Variants in EFR3A observed in about 807,000 individuals in gnomAD.
EFR3A encodes the protein protein EFR3 homolog A.
In EFR3A, 76 loss-of-function variants were observed where a neutral mutation model predicts 104.4. The observed-to-expected ratio is 0.73, with a 90% CI of 0.60 to 0.88. EFR3A has a LOEUF of 0.88. Ranked by LOEUF, EFR3A falls within the 40% of genes least tolerant of loss-of-function variation. The probability of loss-of-function intolerance (pLI) is 0.00; values close to 1 mark genes in which losing one functional copy is unlikely to be tolerated. For synonymous variants in EFR3A, 330 were observed against 330.0 expected, an observed-to-expected ratio of 1.00 and a Z score of 0.00; for missense variants, 985 against 1,012.5, an observed-to-expected ratio of 0.97 and a Z score of 0.37.
chr8:131,904,278 G>A lies in EFR3A; in HGVS notation c.-35G>A, dbSNP rs2130347991. On this transcript the variant is annotated 5_prime_UTR_variant, in exon 1 of 23. Coordinates refer to ENST00000254624, the MANE Select transcript of EFR3A (RefSeq NM_015137.6). ...GGCGCTCCCTGCGCGGCCCCGCTGA[G>A]CCTCGGTGCGGCGGCGAGCGCGGTC... is the stretch of plus-strand genomic sequence containing the variant. The A allele has an allele frequency of 7.8e-7, 1 of 1,280,164 alleles. No individual in the cohort carries two copies. 79.3% of individuals were successfully genotyped at this position (1,280,164 alleles called of 1,614,324 possible).
intron 7 of EFR3A, 109 bp downstream of exon 7, chr8:131,956,014 T>C (rs1818970948): frequency 1.6e-6 from 2 of 1,261,536 alleles, no homozygotes; most frequent in South Asian, 2.8e-5. Flanking sequence ...GAGTTATTAA[T>C]GGAACCAGTG....
chr8:131,962,947 A>T (rs1819467058), intron 8 of EFR3A, among the ~76,000 whole-genome samples: 1 of 152,248 alleles, frequency 6.6e-6, no homozygotes, highest in Admixed American at 6.5e-5. Context: ...ATGGAAACTG[A>T]GCAACCTGCT....
At chr8:131,965,996 G>T (rs1819700616) in intron 8 of EFR3A, among the ~76,000 whole-genome samples, 1 of 152,090 alleles carries the variant, frequency 6.6e-6, no homozygotes, top group Non-Finnish European at 1.5e-5. Flanking sequence ...TCACTCATAG[G>T]TGGGAATTGA....
rs376406666 is a variant in EFR3A at position 132,010,271 on chromosome 8, G to A, written c.2361-519G>A. On this transcript the variant is annotated intron_variant, in intron 22 of 22. Coordinates refer to ENST00000254624, the MANE Select transcript of EFR3A (RefSeq NM_015137.6). ...ACACTTTGATGCAGAAATTCTACTT[G>A]TAAGACTATAAACCAAGGTGACAAT... Among the ~76,000 whole-genome samples the A allele has an allele frequency of 4.3e-4, 65 of 151,454 alleles. No individual in the cohort carries two copies. The South Asian group carries it at 0.014, about 32-fold the overall frequency.
chr8:131,964,049 T>G (rs1199987751), intron 8 of EFR3A, among the ~76,000 whole-genome samples: 14 of 152,112 alleles, frequency 9.2e-5, no homozygotes, highest in Non-Finnish European at 1.9e-4. Context: ...TCTCAATAAA[T>G]TAGGTATTGA....
chr8:131,970,009 T>G (rs1224544130), intron 9 of EFR3A, among the ~76,000 whole-genome samples: 2 of 152,196 alleles, frequency 1.3e-5, no homozygotes, highest in African/African-American at 4.8e-5. Flanking sequence ...TCTAATAAAT[T>G]TGGTAGTTTC....
At chr8:131,945,168 GTC>G (rs1818374700) in intron 3 of EFR3A, among the ~76,000 whole-genome samples, 2 of 151,828 alleles carry the variant, frequency 1.3e-5, no homozygotes, top group Non-Finnish European at 2.9e-5. Context: ...GACTCACTTA[GTC>G]TATCAGTGCA....
At position 131,951,388 on chromosome 8, in the gene EFR3A, A is replaced by G. The variant is rs1344482058; in HGVS notation, c.488+1298A>G. ...ATTACCTTACAATAATTAGTTTTCT[A>G]TTTGTCTCCATCACCAGGAAAATTA... On this transcript the variant is annotated intron_variant, in intron 5 of 22. Coordinates refer to ENST00000254624, the MANE Select transcript of EFR3A (RefSeq NM_015137.6). 3.9e-5 allele frequency among the ~76,000 whole-genome samples: 6 copies of G among 151,994 alleles called. No individual in the cohort carries two copies. In the East Asian group the frequency reaches 9.7e-4, roughly 24 times the overall value.
At chr8:131,964,077 T>C (rs1819556981) in intron 8 of EFR3A, among the ~76,000 whole-genome samples, 2 of 152,300 alleles carry the variant, frequency 1.3e-5, no homozygotes, top group South Asian at 4.1e-4. Context: ...TATCTCAAGA[T>C]AATAAGAGCT....
At chr8:131,939,350 A>G (rs937497914) in intron 1 of EFR3A, among the ~76,000 whole-genome samples, 1 of 152,102 alleles carries the variant, frequency 6.6e-6, no homozygotes, top group Non-Finnish European at 1.5e-5. Flanking sequence ...ATGGCTGTCC[A>G]CTAGACACTT....
At chr8:131,986,672 C>G (rs985353213) in intron 17 of EFR3A, among the ~76,000 whole-genome samples, 1 of 151,592 alleles carries the variant, frequency 6.6e-6, no homozygotes, top group Non-Finnish European at 1.5e-5. Flanking sequence ...GTAGTCCCAG[C>G]TACTCAGGAG....
chr8:131,908,643 A>G (rs1816369055), intron 1 of EFR3A, among the ~76,000 whole-genome samples: 1 of 152,120 alleles, frequency 6.6e-6, no homozygotes, highest in Admixed American at 6.5e-5. Flanking sequence ...TAATGACAGT[A>G]AGTAATAGAG....
At chr8:131,973,300 G>C (rs1476301437) in intron 10 of EFR3A, among the ~76,000 whole-genome samples, 1 of 151,720 alleles carries the variant, frequency 6.6e-6, no homozygotes, top group East Asian at 1.9e-4. Context: ...ATTTATTTCG[G>C]TTATTTATAG....
At chr8:131,909,868 T>C (rs1403233799) in intron 1 of EFR3A, among the ~76,000 whole-genome samples, 1 of 152,222 alleles carries the variant, frequency 6.6e-6, no homozygotes, top group African/African-American at 2.4e-5. Flanking sequence ...TTGTCCCTGG[T>C]TGAGAACCAC....
chr8:132,010,503 T>A (rs1822290385), intron 22 of EFR3A, among the ~76,000 whole-genome samples: 1 of 148,244 alleles, frequency 6.7e-6, no homozygotes, highest in African/African-American at 2.5e-5. Flanking sequence ...CATGAAATAA[T>A]TTTTTACTAA....
chr8:131,999,864 A>G (rs1821702907), intron 19 of EFR3A, among the ~76,000 whole-genome samples: 1 of 152,168 alleles, frequency 6.6e-6, no homozygotes, highest in Non-Finnish European at 1.5e-5. Context: ...TTTCATAAAA[A>G]GAATCTCTCA....
At chr8:131,963,166 G>A (rs141190036) in intron 8 of EFR3A, among the ~76,000 whole-genome samples, 23 of 152,220 alleles carry the variant, frequency 1.5e-4, no homozygotes, top group South Asian at 1.5e-3. Context: ...AAGAACTAGA[G>A]AAGCAAGAGC....
At chr8:131,965,123 A>T (rs922075601) in intron 8 of EFR3A, among the ~76,000 whole-genome samples, 1 of 152,114 alleles carries the variant, frequency 6.6e-6, no homozygotes, top group Non-Finnish European at 1.5e-5. Flanking sequence ...CTAGAAGAAA[A>T]CCTAGGCAAT....
chr8:131,987,015 T>C (rs923746918), intron 17 of EFR3A, among the ~76,000 whole-genome samples: 5 of 152,144 alleles, frequency 3.3e-5, no homozygotes, highest in Admixed American at 2.0e-4. Context: ...GCATTATTTC[T>C]TGTTCTCTAA....
Sources: gnomAD v4.1 joint callset for allele counts (sites outside exome capture counted in the v4.1 genomes callset) on GRCh38, gnomAD v4.1.1 for gene constraint, MANE v1.5 for transcripts, NCBI Gene and HGNC (gene_info 2026-07-23, HGNC 2026-07-21) for gene names.